Variants in FRMPD2 observed in about 807,000 individuals in gnomAD.
The protein encoded by FRMPD2 is FERM and PDZ domain containing 2.
A neutral mutation model predicts 140.1 loss-of-function variants in FRMPD2; 96 were observed. The ratio of observed to expected loss-of-function variants is 0.69; its 90% CI spans 0.58 to 0.81. The LOEUF is 0.81. FRMPD2 is among the 40% of genes least tolerant of loss of function. FRMPD2 has a pLI of 0.00. For synonymous variants in FRMPD2, 449 were observed against 547.6 expected, an observed-to-expected ratio of 0.82 and a Z score of 2.52; for missense variants, 1,240 against 1,447.4, an observed-to-expected ratio of 0.86 and a Z score of 2.32.
At chr10:48,227,761 A>C (rs1001335217) in intron 10 of FRMPD2, among the ~76,000 whole-genome samples, 12 of 152,220 alleles carry the variant, frequency 7.9e-5, no homozygotes, top group Non-Finnish European at 1.3e-4. Context: ...TGAAGGAAGA[A>C]AATAAACACT....
chr10:48,269,804 C>A (rs990308947), intron 1 of FRMPD2, among the ~76,000 whole-genome samples: 2 of 152,184 alleles, frequency 1.3e-5, no homozygotes, highest in Admixed American at 6.5e-5. Context: ...ACCCAGGAGA[C>A]CTGCTGTAGC....
chr10:48,193,091 A>C (rs558255970), intron 15 of FRMPD2, among the ~76,000 whole-genome samples, 197 bp from the exon 16 acceptor site: 8 of 152,338 alleles, frequency 5.3e-5, no homozygotes, highest in Middle Eastern at 3.4e-3. Context: ...AAACCTCAGA[A>C]ACAGAAGAAG....
At chr10:48,227,705 T>C (rs1839755670) in intron 10 of FRMPD2, among the ~76,000 whole-genome samples, 1 of 152,326 alleles carries the variant, frequency 6.6e-6, no homozygotes, top group Admixed American at 6.5e-5. Context: ...TAGAGAGCCC[T>C]CATCATGAAC....
At chr10:48,162,047 A>G (rs2438988) in intron 28 of FRMPD2, among the ~76,000 whole-genome samples, 92,783 of 150,016 alleles carry the variant, frequency 0.62, 28,992 homozygotes, top group African/African-American at 0.64. Flanking sequence ...GGAAAGTACC[A>G]TTCCTTTAAT....
At position 48,223,416 on chromosome 10, in the gene FRMPD2, G is replaced by T. The variant is rs565457022; in HGVS notation, c.1169-146C>A. On this transcript the variant is annotated intron_variant, in intron 10 of 28. Coordinates refer to ENST00000374201, the MANE Select transcript of FRMPD2 (RefSeq NM_001018071.4). ...GAGGTAAGTCTTTGCGTACCTGGTA[G>T]CAAGGAACCTTTGTTGGGGTCATGG... is the stretch of plus-strand genomic sequence containing the variant. 12 of 628,442 alleles carry T rather than the reference G, an allele frequency of 1.9e-5. No individual in the cohort carries two copies. In the African/African-American group the frequency reaches 2.0e-4, roughly 10 times the overall value. The allele number at this position is 628,442 out of a possible 1,614,324, so 38.9% of individuals were successfully genotyped here.
At chr10:48,261,055 A>T (rs1489608490) in intron 1 of FRMPD2, among the ~76,000 whole-genome samples, 2 of 152,198 alleles carry the variant, frequency 1.3e-5, no homozygotes, top group African/African-American at 4.8e-5. Context: ...TCAAGGAAAG[A>T]ATCAAGGAGC....
At chr10:48,262,663 A>C (rs1372876874) in intron 1 of FRMPD2, among the ~76,000 whole-genome samples, 5 of 152,226 alleles carry the variant, frequency 3.3e-5, no homozygotes, top group Non-Finnish European at 5.9e-5. Context: ...GCTGTAGGCT[A>C]TTTTATCCAA....
At position 48,274,611 on chromosome 10, in the gene FRMPD2, A is replaced by T; in HGVS notation, c.-44T>A. 1 of 1,604,826 alleles carries T rather than the reference A, an allele frequency of 6.2e-7. No homozygotes were observed. The highest frequency in any genetic ancestry group is 8.5e-7 in the Non-Finnish European group (1 of 1,172,480). ...AGGTCTAGGCCTTCATCATGGGACAACTTTCCAACAAGGAGCAGGGGTCTC... is the reference window on the plus strand; with the variant it reads ...AGGTCTAGGCCTTCATCATGGGACATCTTTCCAACAAGGAGCAGGGGTCTC... On this transcript the variant is annotated 5_prime_UTR_variant, in exon 1 of 29. The change creates a new upstream start codon in the 5' untranslated region. Coordinates refer to ENST00000374201, the MANE Select transcript of FRMPD2 (RefSeq NM_001018071.4).
intron 9 of FRMPD2, among the ~76,000 whole-genome samples, chr10:48,235,392 G>A (rs1437259251): frequency 1.3e-5 from 2 of 152,336 alleles, no homozygotes; most frequent in East Asian, 3.9e-4. Flanking sequence ...CACGTGCACT[G>A]ACCAGTTTGC....
At chr10:48,216,381 A>G (rs968583619) in intron 12 of FRMPD2, among the ~76,000 whole-genome samples, 9 of 152,120 alleles carry the variant, frequency 5.9e-5, no homozygotes, top group Non-Finnish European at 1.2e-4. Context: ...AACCTAGACT[A>G]TTATAGGCTC....
At chr10:48,269,609 G>A (rs1406253129) in intron 1 of FRMPD2, among the ~76,000 whole-genome samples, 1 of 152,194 alleles carries the variant, frequency 6.6e-6, no homozygotes, top group Non-Finnish European at 1.5e-5. Context: ...GGCCGTCCGT[G>A]GGTTCCCAGC....
intron 7 of FRMPD2, 99 bp downstream of exon 7, chr10:48,239,506 A>G: frequency 1.3e-6 from 1 of 780,368 alleles, no homozygotes; most frequent in South Asian, 1.9e-5. Context: ...GAGGAGCAAG[A>G]GGCTTCTTAC....
Position 48,223,210 on chromosome 10 carries a change from CA to C in FRMPD2, c.1228del (p.Trp410GlyfsTer10). 2 of 1,614,020 alleles carry C rather than the reference CA, an allele frequency of 1.2e-6. No individual in the cohort carries two copies. Among genetic ancestry groups the C allele is most frequent in the Non-Finnish European group, 1.7e-6 (2 of 1,179,912 alleles). On this transcript the variant is annotated frameshift_variant, in exon 11 of 29. Transcript: ENST00000374201. LOFTEE classifies it high-confidence loss of function. The part of the protein sequence containing the change: ...TRLCKIAPEG[W>X]REQPQKTSMN... ...GGAGGTCTTCTGAGGCTGCTCTCTC[CA>C]GCCTTCAGGAGCTATTTTGCACAAT...
At chr10:48,265,344 A>ACAAAAGCAATTGCAG (rs1185621864) in intron 1 of FRMPD2, among the ~76,000 whole-genome samples, 2 of 152,226 alleles carry the variant, frequency 1.3e-5, no homozygotes, top group Non-Finnish European at 2.9e-5. Flanking sequence ...AGCAATTGCA[A>ACAAAAGCAATTGCAG]CAAAAGCAAA....
chr10:48,253,306 A>G (rs1382870219), intron 1 of FRMPD2, among the ~76,000 whole-genome samples: 1 of 152,258 alleles, frequency 6.6e-6, no homozygotes, highest in Non-Finnish European at 1.5e-5. Flanking sequence ...TTACTTCAAA[A>G]TGAATCATAG....
At chr10:48,235,581 C>G (rs900922013) in intron 9 of FRMPD2, among the ~76,000 whole-genome samples, 2 of 152,156 alleles carry the variant, frequency 1.3e-5, no homozygotes, top group African/African-American at 2.4e-5. Context: ...GATGCAGGAG[C>G]CTGGGAGGGG....
At chr10:48,187,064 C>G in intron 17 of FRMPD2, 128 bp downstream of exon 17, 1 of 631,514 alleles carries the variant, frequency 1.6e-6, no homozygotes, top group East Asian at 2.9e-5. Flanking sequence ...AAAAAGAAAA[C>G]AATTCAAAAA....
chr10:48,259,914 C>A (rs1840551232), intron 1 of FRMPD2, among the ~76,000 whole-genome samples: 1 of 151,920 alleles, frequency 6.6e-6, no homozygotes, highest in African/African-American at 2.4e-5. Context: ...ACAAGAACAA[C>A]AGAAAAAATT....
At chr10:48,227,974 G>GTA (rs1404260387) in intron 10 of FRMPD2, among the ~76,000 whole-genome samples, 3 of 152,020 alleles carry the variant, frequency 2.0e-5, no homozygotes, top group Non-Finnish European at 2.9e-5. Flanking sequence ...AAGCAAAAGC[G>GTA]TATGTATGTT....
Sources: allele counts gnomAD v4.1 joint callset (sites outside exome capture counted in the v4.1 genomes callset), GRCh38; gene constraint gnomAD v4.1.1; transcripts MANE v1.5; gene names NCBI Gene and HGNC (gene_info 2026-07-23, HGNC 2026-07-21).